GRB2: variants seen among roughly 807,000 people sequenced by gnomAD.
GRB2 encodes growth factor receptor bound protein 2.
In GRB2, 2 loss-of-function variants were observed where a neutral mutation model predicts 27.4. That is an observed-to-expected ratio of 0.07 (90% CI 0.03 to 0.23). GRB2 has a LOEUF of 0.23. GRB2 is among the 10% of genes least tolerant of loss of function. The pLI is 1.00. For missense variants in GRB2, 102 were observed against 282.4 expected (o/e 0.36, Z 4.58); for synonymous variants, 94 against 99.6 (o/e 0.94, Z 0.33).
At chr17:75,348,866 C>A (rs925007792) in intron 2 of GRB2, among the ~76,000 whole-genome samples, 9 of 152,040 alleles carry the variant, frequency 5.9e-5, no homozygotes, top group African/African-American at 9.7e-5. Context: ...TGTAGAGATG[C>A]GGTTTTCCCA....
chr17:75,378,500 T>C (rs1459510320), intron 2 of GRB2, among the ~76,000 whole-genome samples: 1 of 152,200 alleles, frequency 6.6e-6, no homozygotes, highest in Non-Finnish European at 1.5e-5. Flanking sequence ...AGGCCTTTAA[T>C]ATCTAACAGG....
intron 2 of GRB2, among the ~76,000 whole-genome samples, chr17:75,384,204 G>A (rs750839316): frequency 6.6e-6 from 1 of 152,160 alleles, no homozygotes; most frequent in African/African-American, 2.4e-5. Context: ...TTATGATCCT[G>A]AGCACAGTCA....
chr17:75,362,917 G>T (rs948167469), intron 2 of GRB2, among the ~76,000 whole-genome samples: 1 of 152,180 alleles, frequency 6.6e-6, no homozygotes, highest in African/African-American at 2.4e-5. Flanking sequence ...CCATTTTGGG[G>T]GTAGAGGAAG....
intron 1 of GRB2, among the ~76,000 whole-genome samples, chr17:75,400,612 A>C (rs1306653784): frequency 2.6e-5 from 4 of 151,996 alleles, no homozygotes; most frequent in Non-Finnish European, 5.9e-5. Flanking sequence ...AGTAGCTGGG[A>C]TTCCAGGCGT....
chr17:75,337,042 T>C lies in GRB2; in HGVS notation c.79-4245A>G, dbSNP rs566956426. On this transcript the variant is annotated intron_variant, in intron 2 of 5. Transcript: ENST00000316804. ...CGTGAGCCATCATGCTGGCCAAAAA[T>C]GTAACATTTGAGTACATGAATGGTT... is the stretch of plus-strand genomic sequence containing the variant. 2.0e-5 allele frequency among the ~76,000 whole-genome samples: 3 copies of C among 152,292 alleles called. No homozygotes were observed. The South Asian group carries it at 6.2e-4, about 32-fold the overall frequency.
At chr17:75,373,938 C>T (rs1253801861) in intron 2 of GRB2, among the ~76,000 whole-genome samples, 3 of 151,344 alleles carry the variant, frequency 2.0e-5, no homozygotes, top group African/African-American at 4.9e-5. Context: ...GGACTACAGG[C>T]GCCCGCCACC....
intron 2 of GRB2, among the ~76,000 whole-genome samples, chr17:75,388,596 GA>G (rs2078979765): frequency 6.9e-6 from 1 of 145,396 alleles, no homozygotes; most frequent in South Asian, 2.3e-4. Flanking sequence ...GGGGGGGGAA[GA>G]AAAACACTTT....
intron 2 of GRB2, among the ~76,000 whole-genome samples, chr17:75,369,105 G>A (rs2078839223): frequency 6.6e-6 from 1 of 152,140 alleles, no homozygotes; most frequent in East Asian, 1.9e-4. Flanking sequence ...ACCCAGATAA[G>A]CTGGCTCCAG....
chr17:75,321,595 G>GTTAA, intron 5 of GRB2, 64 bp downstream of exon 5: 1 of 1,495,102 alleles, frequency 6.7e-7, no homozygotes, highest in Non-Finnish European at 9.3e-7. Flanking sequence ...CTTTCCTACA[G>GTTAA]GAATGCACAC....
intron 2 of GRB2, among the ~76,000 whole-genome samples, chr17:75,381,421 T>A (rs1446164533): frequency 6.6e-6 from 1 of 152,036 alleles, no homozygotes; most frequent in East Asian, 1.9e-4. Context: ...CTCCTTTTCA[T>A]AGTTATGTAT....
At chr17:75,403,822 A>C (rs779234409) in intron 1 of GRB2, among the ~76,000 whole-genome samples, 20 of 151,782 alleles carry the variant, frequency 1.3e-4, no homozygotes, top group Non-Finnish European at 2.9e-4. Flanking sequence ...TGATTATAAG[A>C]ATTAACTCTG....
In GRB2 at chr17:75,353,720, A is replaced by G. The variant is rs1479670457; in HGVS notation, c.79-20923T>C. 2.0e-5 allele frequency among the ~76,000 whole-genome samples: 3 copies of G among 151,358 alleles called. No homozygotes were observed. In the East Asian group the frequency reaches 5.8e-4, roughly 29 times the overall value. ...GGTTGCAGTGAGCCGAGACTGCGCC[A>G]CTGCACTCCAGCCTGGGCAACAACA... On this transcript the variant is annotated intron_variant, in intron 2 of 5. Transcript: ENST00000316804.
At chr17:75,364,361 T>G (rs2078805933) in intron 2 of GRB2, among the ~76,000 whole-genome samples, 1 of 152,180 alleles carries the variant, frequency 6.6e-6, no homozygotes, top group Non-Finnish European at 1.5e-5. Flanking sequence ...TAGTAAAGAT[T>G]TATTATGTAC....
chr17:75,401,848 T>C (rs564019622), intron 1 of GRB2, among the ~76,000 whole-genome samples: 2 of 152,358 alleles, frequency 1.3e-5, no homozygotes, highest in Admixed American at 6.5e-5. Context: ...TTATCCACTA[T>C]AGTGTGGGCT....
At chr17:75,355,946 T>C (rs931851160) in intron 2 of GRB2, among the ~76,000 whole-genome samples, 4 of 151,152 alleles carry the variant, frequency 2.6e-5, no homozygotes, top group Non-Finnish European at 4.4e-5. Context: ...TTCTCCTGTC[T>C]CAGCCTCTCG....
chr17:75,318,294 T>C lies in GRB2; in HGVS notation c.*2074A>G, dbSNP rs1166404324. On this transcript the variant is annotated 3_prime_UTR_variant, in exon 6 of 6. Transcript: ENST00000316804. ...GGTGTAGAATGCCAGATTCCTTTTA[T>C]CATCTGCGAGGAAAAGAGAAGCAGG... is the stretch of plus-strand genomic sequence containing the variant. 6.6e-6 allele frequency: 1 copy of C among 152,186 alleles called. No individual in the cohort carries two copies. The highest frequency in any genetic ancestry group is 6.5e-5 in the Admixed American group (1 of 15,272). 9.4% of individuals were successfully genotyped at this position (152,186 alleles called of 1,614,324 possible).
intron 2 of GRB2, among the ~76,000 whole-genome samples, chr17:75,360,940 A>T (rs12150171): frequency 6.9e-6 from 1 of 144,546 alleles, no homozygotes; most frequent in Non-Finnish European, 1.5e-5. Flanking sequence ...GCTAATTTTA[A>T]TTTTTTTTTT....
At chr17:75,322,550 A>G (rs2078467691) in intron 4 of GRB2, among the ~76,000 whole-genome samples, 1 of 152,204 alleles carries the variant, frequency 6.6e-6, no homozygotes, top group Non-Finnish European at 1.5e-5. Flanking sequence ...GTAACTGGGA[A>G]TAGTTCAAAG....
chr17:75,392,486 A>G (rs112249819), intron 2 of GRB2, among the ~76,000 whole-genome samples: 19 of 152,364 alleles, frequency 1.2e-4, no homozygotes, highest in Middle Eastern at 3.4e-3. Context: ...ATAAGTCCAC[A>G]TAACTTAAAA....
Sources: gnomAD v4.1 joint callset for allele counts (sites outside exome capture counted in the v4.1 genomes callset) on GRCh38, gnomAD v4.1.1 for gene constraint, MANE v1.5 for transcripts, NCBI Gene and HGNC (gene_info 2026-07-23, HGNC 2026-07-21) for gene names.